Variants in ANXA4 observed in about 807,000 individuals in gnomAD.
ANXA4 encodes the protein annexin A4, also known as 35-beta calcimedin.
In ANXA4, 39 loss-of-function variants were observed where a neutral mutation model predicts 49.8. The observed-to-expected ratio is 0.78, with a 90% CI of 0.61 to 1.02. ANXA4 has a LOEUF of 1.02. ANXA4 is among the 50% of genes least tolerant of loss of function. The probability of loss-of-function intolerance (pLI) is 0.00; values close to 1 mark genes in which losing one functional copy is unlikely to be tolerated. For missense variants in ANXA4, 360 were observed against 410.1 expected, an observed-to-expected ratio of 0.88 and a Z score of 1.05; for synonymous variants, 134 against 152.5, an observed-to-expected ratio of 0.88 and a Z score of 0.89.
chr2:69,656,384 T>C lies in ANXA4; in HGVS notation n.766+3102T>C, dbSNP rs181311166. 5.7e-5 allele frequency among the ~76,000 whole-genome samples: 5 copies of C among 87,636 alleles called. No homozygotes were observed. The East Asian group carries it at 2.6e-3, about 45-fold the overall frequency. The allele number at this position is 87,636 out of a possible 152,430, so 57.5% of individuals were successfully genotyped here. A position where few individuals can be genotyped will look rare whatever the true frequency, so the allele number is the denominator to read the frequency against. ...ATATATATGTGTATATATGTGTATA[T>C]ATATGTGTATATATATGTATATATA... On this transcript the variant is annotated intron_variant and non_coding_transcript_variant, in intron 2 of 3. Coordinates refer to the ANXA4 transcript ENST00000418066.
chr2:69,710,642 T>TA (rs1278216495), intron 2 of ANXA4, among the ~76,000 whole-genome samples: 1 of 151,838 alleles, frequency 6.6e-6, no homozygotes, highest in Non-Finnish European at 1.5e-5. Context: ...TTTCAATGGG[T>TA]AAAAAAAAGT....
At chr2:69,687,910 C>T (rs1559080132) in intron 2 of ANXA4, among the ~76,000 whole-genome samples, 2 of 152,196 alleles carry the variant, frequency 1.3e-5, no homozygotes, top group Non-Finnish European at 2.9e-5. Flanking sequence ...TCCATAAACA[C>T]GTCAGTATGC....
At chr2:69,721,535 C>CA (rs919769763) in intron 3 of ANXA4, among the ~76,000 whole-genome samples, 4 of 151,576 alleles carry the variant, frequency 2.6e-5, no homozygotes, top group Non-Finnish European at 4.4e-5. Flanking sequence ...CCTGTCTCTA[C>CA]AAAAAAAATT....
chr2:69,796,333 CTT>C (rs1306070151), intron 3 of ANXA4, among the ~76,000 whole-genome samples: 2 of 152,190 alleles, frequency 1.3e-5, no homozygotes, highest in Non-Finnish European at 2.9e-5. Context: ...GTCACTTTCT[CTT>C]TTTCTCCTGG....
At chr2:69,823,048 A>G (rs1022088813) in intron 12 of ANXA4, among the ~76,000 whole-genome samples, 11 of 150,214 alleles carry the variant, frequency 7.3e-5, no homozygotes, top group Admixed American at 3.3e-4. Context: ...TGTTATTTAT[A>G]TTTATATCAA....
At chr2:69,675,821 A>C (rs1267542895) in intron 2 of ANXA4, among the ~76,000 whole-genome samples, 1 of 152,108 alleles carries the variant, frequency 6.6e-6, no homozygotes, top group Non-Finnish European at 1.5e-5. Context: ...CAGGAGATCA[A>C]GACCATCCTG....
chr2:69,647,376 G>GTTTTAT (rs1573046151), intron 1 of ANXA4, among the ~76,000 whole-genome samples: 2 of 145,806 alleles, frequency 1.4e-5, no homozygotes, highest in East Asian at 4.0e-4. Context: ...TTGTTTTATT[G>GTTTTAT]TTTTATTTTT....
At chr2:69,812,522 C>T in intron 7 of ANXA4, 131 bp from the exon 8 acceptor site, 1 of 692,816 alleles carries the variant, frequency 1.4e-6, no homozygotes, top group South Asian at 1.9e-5. Flanking sequence ...CGTCTGTCCT[C>T]CCTCCCTGGG....
intron 1 of ANXA4, among the ~76,000 whole-genome samples, chr2:69,773,984 G>A (rs1320599241): frequency 6.6e-6 from 1 of 151,770 alleles, no homozygotes; most frequent in African/African-American, 2.4e-5. Context: ...AGGCATGCCA[G>A]GCTAATTTTG....
intron 3 of ANXA4, among the ~76,000 whole-genome samples, chr2:69,793,230 G>A (rs1388017106): frequency 2.3e-5 from 3 of 129,876 alleles, no homozygotes; most frequent in African/African-American, 6.2e-5. Flanking sequence ...CCAGTCTGGC[G>A]ACAGAGCAAG....
chr2:69,781,823 C>T (rs1299393749), intron 2 of ANXA4, among the ~76,000 whole-genome samples: 2 of 152,036 alleles, frequency 1.3e-5, no homozygotes. Flanking sequence ...AATATAGAAA[C>T]AAGTTGTAAT....
chr2:69,710,924 T>C (rs1318238577), intron 2 of ANXA4, among the ~76,000 whole-genome samples: 1 of 152,208 alleles, frequency 6.6e-6, no homozygotes, highest in Admixed American at 6.5e-5. Context: ...ACACTTACTA[T>C]ACAACCCGGC....
chr2:69,807,638 T>C (rs1673500874), intron 5 of ANXA4, among the ~76,000 whole-genome samples: 1 of 152,110 alleles, frequency 6.6e-6, no homozygotes. Context: ...AAGGAAAAAT[T>C]AAGTCCCCAG....
chr2:69,745,897 A>G (rs2105478133), intron 1 of ANXA4, among the ~76,000 whole-genome samples: 1 of 152,332 alleles, frequency 6.6e-6, no homozygotes, highest in Non-Finnish European at 1.5e-5. Context: ...TAAAGCATTA[A>G]TAAAAACATA....
chr2:69,696,489 C>T (rs1370472784), intron 2 of ANXA4, among the ~76,000 whole-genome samples: 3 of 152,176 alleles, frequency 2.0e-5, no homozygotes, highest in African/African-American at 7.2e-5. Context: ...AATCAGCTTC[C>T]TCCAAACTCT....
At chr2:69,767,726 C>T (rs1671550378) in intron 1 of ANXA4, among the ~76,000 whole-genome samples, 1 of 152,172 alleles carries the variant, frequency 6.6e-6, no homozygotes, top group South Asian at 2.1e-4. Context: ...CAGTTTCCAT[C>T]AGATAAGTCT....
intron 2 of ANXA4, among the ~76,000 whole-genome samples, chr2:69,701,586 T>G (rs566060770): frequency 1.3e-5 from 2 of 152,342 alleles, no homozygotes; most frequent in East Asian, 1.9e-4. Context: ...TATGGAGGTA[T>G]GTATTTTAAA....
At chr2:69,680,121 T>A (rs1036753786) in intron 2 of ANXA4, among the ~76,000 whole-genome samples, 1 of 152,218 alleles carries the variant, frequency 6.6e-6, no homozygotes, top group African/African-American at 2.4e-5. Flanking sequence ...AGAGCGTTAA[T>A]TCTTCTGATC....
At chr2:69,712,685 G>A (rs751751539) in intron 2 of ANXA4, among the ~76,000 whole-genome samples, 3 of 152,128 alleles carry the variant, frequency 2.0e-5, no homozygotes, top group Non-Finnish European at 2.9e-5. Flanking sequence ...ATTCAGACAG[G>A]CCATGGGATC....
Sources: allele counts gnomAD v4.1 joint callset (sites outside exome capture counted in the v4.1 genomes callset), GRCh38; gene constraint gnomAD v4.1.1; transcripts MANE v1.5; gene names NCBI Gene and HGNC (gene_info 2026-07-23, HGNC 2026-07-21).